The following MORC1 variants were observed in gnomAD, a reference collection of about 807,000 sequenced individuals.
MORC1 encodes the protein MORC family CW-type zinc finger 1, also known as MORC family CW-type zinc finger protein 1.
Under a neutral mutation model 134.9 loss-of-function variants are expected in MORC1, and 59 were observed. The ratio of observed to expected loss-of-function variants is 0.44; its 90% confidence interval spans 0.35 to 0.54. The LOEUF (loss-of-function observed/expected upper bound fraction) is 0.54. Ranked by LOEUF, MORC1 falls within the 20% of genes least tolerant of loss-of-function variation. The pLI, the probability that MORC1 is intolerant of heterozygous loss-of-function variation, is 0.00. For synonymous variants in MORC1, 395 were observed against 391.7 expected (o/e 1.01, Z -0.10); for missense variants, 947 against 1,134.5 (o/e 0.83, Z 2.37).
At chr3:108,962,946 G>GA (rs928707438) in intron 27 of MORC1, among the ~76,000 whole-genome samples, 1 of 152,024 alleles carries the variant, frequency 6.6e-6, no homozygotes, top group African/African-American at 2.4e-5. Flanking sequence ...TTCGCTGTCT[G>GA]AAAAAACTGA....
chr3:109,091,319 C>T (rs772286217), intron 8 of MORC1, among the ~76,000 whole-genome samples: 5 of 151,358 alleles, frequency 3.3e-5, no homozygotes, highest in African/African-American at 7.3e-5. Flanking sequence ...TGGCACATGC[C>T]TGTAATCCCA....
At chr3:109,025,590 C>T (rs11718739) in intron 17 of MORC1, among the ~76,000 whole-genome samples, 63,939 of 151,332 alleles carry the variant, frequency 0.42, 14,194 homozygotes, top group Middle Eastern at 0.55. Flanking sequence ...ACCATGTTGG[C>T]CAGGCTGGTC....
chr3:109,103,195 G>C (rs1338599779), intron 4 of MORC1, among the ~76,000 whole-genome samples: 7 of 152,120 alleles, frequency 4.6e-5, no homozygotes, highest in Admixed American at 4.6e-4. Flanking sequence ...CATGTTTAAA[G>C]AATTCAGAAA....
intron 14 of MORC1, among the ~76,000 whole-genome samples, chr3:109,041,931 G>A (rs1178817720): frequency 6.6e-6 from 1 of 150,394 alleles, no homozygotes. Flanking sequence ...GCAACAGAGT[G>A]AGACTCCATC....
intron 8 of MORC1, among the ~76,000 whole-genome samples, chr3:109,087,640 A>G (rs113724992): frequency 0.011 from 1,730 of 152,154 alleles, 41 homozygotes; most frequent in African/African-American, 0.038. Flanking sequence ...CATTAAAATG[A>G]CCTTACTGCC....
intron 8 of MORC1, among the ~76,000 whole-genome samples, chr3:109,072,707 A>G (rs1415720211): frequency 6.6e-6 from 1 of 152,152 alleles, no homozygotes; most frequent in African/African-American, 2.4e-5. Context: ...AATCGTCAGG[A>G]TATCTTCAGA....
intron 26 of MORC1, among the ~76,000 whole-genome samples, chr3:108,966,599 A>G (rs2107370360): frequency 6.6e-6 from 1 of 152,328 alleles, no homozygotes; most frequent in African/African-American, 2.4e-5. Context: ...AACTATTATA[A>G]GATAGAAATG....
In MORC1 at chr3:108,973,594, G is replaced by GTTTTTTTTTTTTTTTTTTT. The variant is rs1559863612; in HGVS notation, c.2478-2193_2478-2192insAAAAAAAAAAAAAAAAAAA. Among the ~76,000 whole-genome samples, 2 of 123,396 alleles carry GTTTTTTTTTTTTTTTTTTT rather than the reference G, an allele frequency of 1.6e-5. 1 individual carries two copies. 81.0% of individuals were successfully genotyped at this position (123,396 alleles called of 152,430 possible). A position where few individuals can be genotyped will look rare whatever the true frequency, so the allele number is the denominator to read the frequency against. On this transcript the variant is annotated intron_variant, in intron 24 of 27. Coordinates refer to ENST00000232603, the MANE Select transcript of MORC1 (RefSeq NM_014429.4). ...GTTCGTTTTTTGTTTGCTTTGTTTT[G>GTTTTTTTTTTTTTTTTTTT]GTTTTTTTTTTTTTTTTTCAGACTG...
rs1389536933 is a variant in MORC1 at position 108,986,902 on chromosome 3, C to CT, written c.2234dup (p.Glu746GlyfsTer15). Reference sequence around the variant, plus strand: ...TACCTTGGTTTAAAAGAGGAATTTCCTTTTTTTCTTGTTTCAATGAAACAT... The same window carrying CT: ...TACCTTGGTTTAAAAGAGGAATTTCCTTTTTTTTCTTGTTTCAATGAAACAT... On this transcript the variant is annotated frameshift_variant, in exon 22 of 28. Coordinates refer to ENST00000232603, the MANE Select transcript of MORC1 (RefSeq NM_014429.4). LOFTEE classifies it high-confidence loss of function. The CT allele has an allele frequency of 1.3e-6, 2 of 1,569,764 alleles. No homozygotes were observed. Among genetic ancestry groups the CT allele is most frequent in the African/African-American group, 1.4e-5 (1 of 72,654 alleles).
At chr3:109,051,629 C>A (rs962366204) in intron 14 of MORC1, among the ~76,000 whole-genome samples, 1 of 152,058 alleles carries the variant, frequency 6.6e-6, no homozygotes, top group African/African-American at 2.4e-5. Flanking sequence ...TCCTCTAGCC[C>A]TCTATCAATT....
intron 6 of MORC1, among the ~76,000 whole-genome samples, chr3:109,097,813 T>C (rs1489844574): frequency 1.3e-5 from 2 of 152,156 alleles, no homozygotes. Context: ...GTTGATGGCT[T>C]GGTATAATTT....
At chr3:108,978,168 C>T (rs1185676308) in intron 24 of MORC1, among the ~76,000 whole-genome samples, 4 of 152,182 alleles carry the variant, frequency 2.6e-5, no homozygotes, top group African/African-American at 4.8e-5. Flanking sequence ...TGAGCCACTG[C>T]GCCCGGCCAA....
chr3:108,998,576 G>A (rs1045002864), intron 21 of MORC1, among the ~76,000 whole-genome samples: 4 of 152,088 alleles, frequency 2.6e-5, no homozygotes, highest in Admixed American at 6.5e-5. Flanking sequence ...ACACTCACAC[G>A]TGCACACAGA....
intron 17 of MORC1, among the ~76,000 whole-genome samples, chr3:109,017,702 C>A (rs1948849063): frequency 6.6e-6 from 1 of 152,172 alleles, no homozygotes. Context: ...AGTTAACCTA[C>A]TTCAAAATCT....
At chr3:108,991,570 T>C (rs1163411171) in intron 21 of MORC1, among the ~76,000 whole-genome samples, 1 of 152,212 alleles carries the variant, frequency 6.6e-6, no homozygotes, top group Non-Finnish European at 1.5e-5. Flanking sequence ...GGGTAGTTCA[T>C]CCTTTTTCTG....
chr3:108,994,429 A>G lies in MORC1; in HGVS notation c.2187+6128T>C, dbSNP rs558519613. On this transcript the variant is annotated intron_variant, in intron 21 of 27. Coordinates refer to ENST00000232603, the MANE Select transcript of MORC1 (RefSeq NM_014429.4). Reference sequence around the variant, plus strand: ...AAAAATTGTATGGTTCCTGGTTATTAAATAGAAGGTCTATTCTAACCTTAC... The same window carrying G: ...AAAAATTGTATGGTTCCTGGTTATTGAATAGAAGGTCTATTCTAACCTTAC... Among the ~76,000 whole-genome samples, 86 of 152,196 alleles carry G rather than the reference A, an allele frequency of 5.7e-4. 2 individuals are homozygous for G. Among genetic ancestry groups the G allele is most frequent in the African/African-American group, 1.9e-3 (77 of 41,532 alleles).
At chr3:109,020,833 A>T (rs1948942104) in intron 17 of MORC1, among the ~76,000 whole-genome samples, 2 of 152,102 alleles carry the variant, frequency 1.3e-5, no homozygotes, top group Non-Finnish European at 2.9e-5. Flanking sequence ...AAGGGAGCAG[A>T]TTCAGATCAC....
intron 17 of MORC1, among the ~76,000 whole-genome samples, chr3:109,018,505 G>C (rs1274462173): frequency 1.3e-5 from 2 of 152,012 alleles, no homozygotes; most frequent in Non-Finnish European, 2.9e-5. Context: ...ATATTCCAAA[G>C]GGTAAGAGTT....
At chr3:109,111,053 A>T (rs1951157075) in intron 2 of MORC1, among the ~76,000 whole-genome samples, 2 of 147,640 alleles carry the variant, frequency 1.4e-5, no homozygotes. Context: ...TATAATTTAA[A>T]AAAAAAAAAA....
Sources: gnomAD v4.1 joint callset for allele counts (sites outside exome capture counted in the v4.1 genomes callset) on GRCh38, gnomAD v4.1.1 for gene constraint, MANE v1.5 for transcripts, NCBI Gene and HGNC (gene_info 2026-07-23, HGNC 2026-07-21) for gene names.